Variants in TLR2 observed in about 807,000 individuals in gnomAD.
TLR2 encodes toll-like receptor 2.
A neutral mutation model predicts 9.1 loss-of-function variants in TLR2; 7 were observed. The observed-to-expected ratio is 0.77, with a 90% CI of 0.44 to 1.44. The LOEUF is 1.44. Among genes scored for constraint, TLR2 ranks in the 40% most tolerant of loss-of-function variants. The pLI is 0.01. For missense variants in TLR2, 812 were observed against 904.6 expected (o/e 0.90, Z 1.31); for synonymous variants, 317 against 344.6 (o/e 0.92, Z 0.89).
intron 2 of TLR2, among the ~76,000 whole-genome samples, chr4:153,700,145 G>A (rs1263252483): frequency 2.6e-5 from 4 of 152,042 alleles, no homozygotes; most frequent in African/African-American, 9.7e-5. Flanking sequence ...GAAATCCTGT[G>A]AACAGAGTGA....
chr4:153,698,652 C>T lies in TLR2; in HGVS notation c.-16-4240C>T, dbSNP rs186948927. ...ATAATCAATGTTTGGTTTGTCAAAT[C>T]CACAATTTTTATAAGATAATAAAAA... is the stretch of plus-strand genomic sequence containing the variant. On this transcript the variant is annotated intron_variant, in intron 2 of 2. Coordinates refer to ENST00000642700, the MANE Select transcript of TLR2 (RefSeq NM_001318789.2). Among the ~76,000 whole-genome samples the T allele has an allele frequency of 1.2e-4, 19 of 152,246 alleles. No individual in the cohort carries two copies. In the East Asian group the frequency reaches 3.7e-3, roughly 29 times the overall value.
intron 2 of TLR2, among the ~76,000 whole-genome samples, chr4:153,700,922 C>A (rs544725983): frequency 1.3e-5 from 2 of 152,230 alleles, no homozygotes; most frequent in East Asian, 1.9e-4. Context: ...AATTGAACAT[C>A]CATATGGGAA....
chr4:153,686,342 T>C (rs558180183), intron 1 of TLR2, among the ~76,000 whole-genome samples: 1 of 152,204 alleles, frequency 6.6e-6, no homozygotes, highest in Non-Finnish European at 1.5e-5. Flanking sequence ...GTTCAATTAC[T>C]TTAAAGCCCA....
Position 153,704,747 on chromosome 4 carries a change from G to A in TLR2, c.1840G>A (p.Gly614Ser), listed in dbSNP as rs1737210616. 1 of 1,613,944 alleles carries A rather than the reference G, an allele frequency of 6.2e-7. No homozygotes were observed. The highest frequency in any genetic ancestry group is 8.5e-7 in the Non-Finnish European group (1 of 1,179,992). ...LTGVLCHRFH[G>S]LWYMKMMWAW... is the part of the protein sequence containing the mutation. Reference sequence around the variant, plus strand: ...GGGGGTCCTGTGCCACCGTTTCCATGGCCTGTGGTATATGAAAATGATGTG... The same window carrying A: ...GGGGGTCCTGTGCCACCGTTTCCATAGCCTGTGGTATATGAAAATGATGTG... The change falls in exon 3 of 3, where the codon GGC becomes AGC. Residue 614 changes from glycine to serine, a missense_variant. Coordinates refer to ENST00000642700, the MANE Select transcript of TLR2 (RefSeq NM_001318789.2).
downstream of TLR2, chr4:153,710,333 C>A: frequency 6.7e-7 from 1 of 1,494,610 alleles, no homozygotes; most frequent in South Asian, 1.3e-5. Context: ...CCAAGGATTT[C>A]AACCATGCAG....
intron 2 of TLR2, among the ~76,000 whole-genome samples, chr4:153,697,633 A>T (rs1014934424): frequency 6.6e-6 from 1 of 152,174 alleles, no homozygotes; most frequent in Non-Finnish European, 1.5e-5. Context: ...GACGTTGAAC[A>T]AACTTTGGAA....
intron 2 of TLR2, among the ~76,000 whole-genome samples, chr4:153,689,450 T>C (rs1735948549): frequency 6.6e-6 from 1 of 152,226 alleles, no homozygotes; most frequent in Admixed American, 6.5e-5. Flanking sequence ...AAACATCCCC[T>C]TAGGGGACCA....
At chr4:153,710,583 T>C, downstream of TLR2, 1 of 1,193,420 alleles carries the variant, frequency 8.4e-7, no homozygotes, top group Non-Finnish European at 1.2e-6. Context: ...ATGTAATGAA[T>C]GGGTATTTCC....
rs750484412 is a variant in TLR2 at position 153,704,167 on chromosome 4, C to T, written c.1260C>T (p.Ile420=). ...TGAAAAACTTGACTAACATTGATAT[C>T]AGTAAGAATAGTTTTCATTCTATGC... The part of the protein sequence containing the change: ...LTLKNLTNID[I]SKNSFHSMPE... The change falls in exon 3 of 3, where the codon ATC becomes ATT. Residue 420 remains isoleucine (I), a synonymous_variant. Transcript: ENST00000642700. The T allele has an allele frequency of 1.9e-6, 3 of 1,613,676 alleles. No individual in the cohort carries two copies. Among genetic ancestry groups the T allele is most frequent in the Non-Finnish European group, 2.5e-6 (3 of 1,179,956 alleles).
downstream of TLR2, among the ~76,000 whole-genome samples, chr4:153,706,766 C>A (rs1158732893): frequency 6.6e-6 from 1 of 152,178 alleles, no homozygotes; most frequent in Non-Finnish European, 1.5e-5. Context: ...TCAGAAAGAC[C>A]TGGGTTAGTA....
At position 153,693,711 on chromosome 4, in the gene TLR2, T is replaced by C. The variant is rs181441657; in HGVS notation, c.-17+5664T>C. Among the ~76,000 whole-genome samples the C allele has an allele frequency of 5.0e-4, 76 of 152,320 alleles. 2 individuals are homozygous for C. The highest frequency in any genetic ancestry group is 1.8e-3 in the African/African-American group (73 of 41,576). On this transcript the variant is annotated intron_variant, in intron 2 of 2. Transcript: ENST00000642700. ...TACTTCATTATACTTTCCTTCCTCC[T>C]CATCTTTAGTGTGAAAAGGTTCCAA...
downstream of TLR2, chr4:153,710,366 G>A (rs374367091): frequency 4.8e-5 from 75 of 1,551,008 alleles, no homozygotes; most frequent in Middle Eastern, 1.7e-4. Flanking sequence ...GGGGTCTGCT[G>A]TCCTATTCCA....
intron 2 of TLR2, among the ~76,000 whole-genome samples, chr4:153,689,371 A>G (rs1735941347): frequency 6.6e-6 from 1 of 152,188 alleles, no homozygotes; most frequent in South Asian, 2.1e-4. Flanking sequence ...CTACCATCTG[A>G]CCATTTTGTT....
At chr4:153,710,280 G>T, downstream of TLR2, 1 of 1,038,106 alleles carries the variant, frequency 9.6e-7, no homozygotes, top group South Asian at 2.2e-5. Context: ...CTAAACACTT[G>T]GGATCATCTC....
intron 1 of TLR2, among the ~76,000 whole-genome samples, chr4:153,687,066 A>G (rs946609983): frequency 2.6e-5 from 4 of 152,200 alleles, no homozygotes; most frequent in African/African-American, 9.6e-5. Flanking sequence ...GAAATTAGTA[A>G]ATTTCTAAAT....
Position 153,688,034 on chromosome 4 carries a change from A to G in TLR2, c.-30A>G, listed in dbSNP as rs577474669. The G allele has an allele frequency of 2.0e-5, 3 of 152,280 alleles. No individual in the cohort carries two copies. The highest frequency in any genetic ancestry group is 1.3e-4 in the Admixed American group (2 of 15,296). 9.4% of individuals were successfully genotyped at this position (152,280 alleles called of 1,614,324 possible). ...GCCCATTGCTCTTTCACTGCTTTCA[A>G]CTGGTAGTTGTGGGTAAGTTCCTGC... On this transcript the variant is annotated 5_prime_UTR_variant, in exon 2 of 3. Transcript: ENST00000642700.
In TLR2 at chr4:153,704,530, C is replaced by T. The variant is rs5743700; in HGVS notation, c.1623C>T (p.Phe541=). Residue 541 remains phenylalanine (F), a synonymous_variant, in exon 3 of 3, where the codon TTC becomes TTT. Coordinates refer to ENST00000642700, the MANE Select transcript of TLR2 (RefSeq NM_001318789.2). ...ATAACTTCATTTGCTCCTGTGAATT[C>T]CTCTCCTTCACTCAGGAGCAGCAAG... ...GGNNFICSCE[F]LSFTQEQQAL... is the part of the protein sequence containing the mutation. The T allele has an allele frequency of 0.047, 76,239 of 1,613,916 alleles. 2,163 individuals are homozygous for T. The highest frequency in any genetic ancestry group is 0.055 in the Middle Eastern group (335 of 6,060).
chr4:153,688,592 C>G (rs1735880600), intron 2 of TLR2: 1 of 152,486 alleles, frequency 6.6e-6, no homozygotes, highest in African/African-American at 2.4e-5. Context: ...TTACAGGAAA[C>G]AAAGGGATGG....
Position 153,685,165 on chromosome 4 carries a change from T to C in TLR2, c.-163+805T>C, listed in dbSNP as rs191381461. The stretch of plus-strand genomic sequence containing the variant: ...ATTCTTAGGATGTGTGAGTTAGGTC[T>C]CTGATTAGAAAACAACTTACAGCGT... On this transcript the variant is annotated intron_variant, in intron 1 of 2. Transcript: ENST00000642700. Among the ~76,000 whole-genome samples, 299 of 152,346 alleles carry C rather than the reference T, an allele frequency of 2.0e-3. 2 individuals carry two copies. Among genetic ancestry groups the C allele is most frequent in the African/African-American group, 7.0e-3 (290 of 41,580 alleles).
Sources: gnomAD v4.1 joint callset for allele counts (sites outside exome capture counted in the v4.1 genomes callset) on GRCh38, gnomAD v4.1.1 for gene constraint, MANE v1.5 for transcripts, NCBI Gene and HGNC (gene_info 2026-07-23, HGNC 2026-07-21) for gene names.